The following S100Z variants were observed in gnomAD, a reference collection of about 807,000 sequenced individuals.
The protein encoded by S100Z is protein S100-Z.
A neutral mutation model predicts 8.5 loss-of-function variants in S100Z; 11 were observed. The observed-to-expected ratio is 1.30, with a 90% CI of 0.82 to 2.15. The LOEUF is 2.15. Ranked by LOEUF, S100Z falls within the 30% of genes most tolerant of loss-of-function variation. The pLI, the probability that S100Z is intolerant of heterozygous loss-of-function variation, is 0.00. For synonymous variants in S100Z, 34 were observed against 43.8 expected, an observed-to-expected ratio of 0.78 and a Z score of 0.89; for missense variants, 126 against 117.9, an observed-to-expected ratio of 1.07 and a Z score of -0.32.
At chr5:76,880,354 A>G (rs1240558031) in intron 4 of S100Z, among the ~76,000 whole-genome samples, 1 of 152,152 alleles carries the variant, frequency 6.6e-6, no homozygotes, top group African/African-American at 2.4e-5. Context: ...TTATATTAAT[A>G]AGAAAAATAA....
At position 76,855,846 on chromosome 5, in the gene S100Z, C is replaced by T. The variant is rs1318412373; in HGVS notation, c.-176+5691C>T. ...AGAATGATATGGTTTGGATCTGTGTCCCCATCAAATCTCATGTTGAATTGT... is the reference window on the plus strand; with the variant it reads ...AGAATGATATGGTTTGGATCTGTGTTCCCATCAAATCTCATGTTGAATTGT... On this transcript the variant is annotated intron_variant, in intron 1 of 4. Transcript: ENST00000317593. Among the ~76,000 whole-genome samples, 5 of 152,220 alleles carry T rather than the reference C, an allele frequency of 3.3e-5. No homozygotes were observed. The East Asian group carries it at 9.7e-4, about 29-fold the overall frequency.
intron 1 of S100Z, among the ~76,000 whole-genome samples, chr5:76,860,762 T>C (rs971588324): frequency 2.0e-5 from 3 of 152,182 alleles, no homozygotes; most frequent in Non-Finnish European, 4.4e-5. Flanking sequence ...CATTGTTACT[T>C]CCCATAAATT....
In S100Z at chr5:76,852,060, A is replaced by T. The variant is rs562704276; in HGVS notation, c.-176+1905A>T. 1.4e-4 allele frequency among the ~76,000 whole-genome samples: 14 copies of T among 102,294 alleles called. No individual in the cohort carries two copies. The East Asian group carries it at 2.0e-3, about 15-fold the overall frequency. 67.1% of individuals were successfully genotyped at this position (102,294 alleles called of 152,430 possible). ...ATTAAAATTTCTCACTTTTTCTTTTAAAAAAAAAAAAAGTGAAGTTCTGGG... is the reference window on the plus strand; with the variant it reads ...ATTAAAATTTCTCACTTTTTCTTTTTAAAAAAAAAAAAGTGAAGTTCTGGG... On this transcript the variant is annotated intron_variant, in intron 1 of 4. Coordinates refer to ENST00000317593, the MANE Select transcript of S100Z (RefSeq NM_130772.4).
chr5:76,887,804 C>T, intron 4 of S100Z, among the ~76,000 whole-genome samples: 1 of 152,296 alleles, frequency 6.6e-6, no homozygotes, highest in East Asian at 1.9e-4. Flanking sequence ...TAAGACCTGC[C>T]ATTTTTTTCC....
chr5:76,923,406 C>T (rs1745082021), downstream of S100Z, among the ~76,000 whole-genome samples: 1 of 152,148 alleles, frequency 6.6e-6, no homozygotes, highest in Non-Finnish European at 1.5e-5. Flanking sequence ...AAGTTGGACT[C>T]CTGTTAAGAG....
At chr5:76,939,799 C>T in the S100Z span, among the ~76,000 whole-genome samples, 476 of 152,014 alleles carry the variant, frequency 3.1e-3, 3 homozygotes, top group Non-Finnish European at 1.7e-3. Context: ...AGGTGCGAGC[C>T]GCCACGCCCA....
chr5:76,947,546 C>T, the S100Z span, among the ~76,000 whole-genome samples: 1 of 152,040 alleles, frequency 6.6e-6, no homozygotes, highest in Non-Finnish European at 1.5e-5. Context: ...CCTAAAAGAC[C>T]TCAAGTAGCC....
At chr5:76,882,353 CT>C (rs1743431237) in intron 4 of S100Z, among the ~76,000 whole-genome samples, 2 of 152,146 alleles carry the variant, frequency 1.3e-5, no homozygotes, top group Non-Finnish European at 2.9e-5. Flanking sequence ...AAAATTCCGA[CT>C]GCACAGCCCT....
chr5:76,862,124 A>AGTGTGTGTGTGTGT (rs374825870), intron 1 of S100Z, among the ~76,000 whole-genome samples: 1,821 of 138,480 alleles, frequency 0.013, 21 homozygotes, highest in Middle Eastern at 0.025. Flanking sequence ...AGGGATAAGG[A>AGTGTGTGTGTGTGT]GTGTGCGTGT....
At chr5:76,927,822 A>G in the S100Z span, among the ~76,000 whole-genome samples, 1 of 152,192 alleles carries the variant, frequency 6.6e-6, no homozygotes, top group African/African-American at 2.4e-5. Flanking sequence ...CCTACAGGGA[A>G]AGGTTAGTAT....
intron 4 of S100Z, among the ~76,000 whole-genome samples, chr5:76,918,938 A>G (rs1357257686): frequency 6.6e-6 from 1 of 152,232 alleles, no homozygotes; most frequent in African/African-American, 2.4e-5. Context: ...AATTGGAGTT[A>G]TATGGTACCT....
At chr5:76,946,393 C>G in the S100Z span, among the ~76,000 whole-genome samples, 2 of 152,076 alleles carry the variant, frequency 1.3e-5, no homozygotes, top group South Asian at 4.1e-4. Context: ...TCCAGTTCCC[C>G]CTTTCTTCAA....
intron 2 of S100Z, among the ~76,000 whole-genome samples, chr5:76,873,528 G>A (rs888078307): frequency 3.3e-5 from 5 of 151,950 alleles, no homozygotes; most frequent in African/African-American, 1.2e-4. Flanking sequence ...GGGTGGTCTC[G>A]AACTCCTGAC....
chr5:76,907,230 C>T (rs1204164681), intron 4 of S100Z, among the ~76,000 whole-genome samples: 1 of 151,754 alleles, frequency 6.6e-6, no homozygotes, highest in Non-Finnish European at 1.5e-5. Context: ...TTTGTGAACA[C>T]TTATTCTGTT....
chr5:76,931,650 T>C, the S100Z span, among the ~76,000 whole-genome samples: 1 of 152,270 alleles, frequency 6.6e-6, no homozygotes, highest in East Asian at 1.9e-4. Context: ...AGAAGTGCTA[T>C]AGAAAAGACC....
chr5:76,938,319 C>G, the S100Z span, among the ~76,000 whole-genome samples: 1 of 152,238 alleles, frequency 6.6e-6, no homozygotes, highest in Non-Finnish European at 1.5e-5. Context: ...CCAGTTCTTA[C>G]TCAAAAAGGC....
At chr5:76,892,169 T>G (rs1307085408) in intron 4 of S100Z, among the ~76,000 whole-genome samples, 2 of 152,254 alleles carry the variant, frequency 1.3e-5, no homozygotes, top group African/African-American at 4.8e-5. Flanking sequence ...GTGGTAACCA[T>G]GGTGATGATG....
chr5:76,933,470 A>G, the S100Z span, among the ~76,000 whole-genome samples: 2 of 152,144 alleles, frequency 1.3e-5, no homozygotes, highest in African/African-American at 4.8e-5. Context: ...GGTCGACATA[A>G]CCACTCACCT....
At chr5:76,916,532 CAAA>C (rs562923963) in intron 4 of S100Z, among the ~76,000 whole-genome samples, 8 of 88,710 alleles carry the variant, frequency 9.0e-5, no homozygotes, top group Admixed American at 1.3e-4. Flanking sequence ...TGTCCTAGGC[CAAA>C]AAAAAAAAAA....
Sources: allele counts gnomAD v4.1 joint callset (sites outside exome capture counted in the v4.1 genomes callset), GRCh38; gene constraint gnomAD v4.1.1; transcripts MANE v1.5; gene names NCBI Gene and HGNC (gene_info 2026-07-23, HGNC 2026-07-21).